CCR3: variants seen among roughly 807,000 people sequenced by gnomAD.
The protein encoded by CCR3 is C-C motif chemokine receptor 3.
For synonymous variants in CCR3, 203 were observed against 179.2 expected (o/e 1.13, Z -1.06); for missense variants, 419 against 437.5 (o/e 0.96, Z 0.38).
chr3:46,217,925 T>A (rs1699793263), intron 2 of CCR3, among the ~76,000 whole-genome samples: 1 of 146,486 alleles, frequency 6.8e-6, no homozygotes, highest in African/African-American at 2.5e-5. Flanking sequence ...CAAGAACAAA[T>A]CAAACCTGAA....
chr3:46,256,697 A>G (rs1161379795), intron 1 of CCR3, among the ~76,000 whole-genome samples: 1 of 152,176 alleles, frequency 6.6e-6, no homozygotes, highest in Non-Finnish European at 1.5e-5. Flanking sequence ...TAAATTGCGT[A>G]AAAAATCACA....
At chr3:46,248,071 G>T (rs1282278500) in intron 1 of CCR3, among the ~76,000 whole-genome samples, 10 of 151,818 alleles carry the variant, frequency 6.6e-5, no homozygotes, top group Middle Eastern at 3.4e-3. Context: ...AATCAAGCAT[G>T]ATCAGGGTGA....
intron 1 of CCR3, chr3:46,264,190 C>T (rs934723475): frequency 3.8e-6 from 2 of 520,738 alleles, no homozygotes; most frequent in African/African-American, 2.0e-5. Flanking sequence ...ATTGACTGAC[C>T]CCTCCTGCTT....
At chr3:46,264,591 T>A in intron 1 of CCR3, 1 of 606,228 alleles carries the variant, frequency 1.6e-6, no homozygotes, top group Non-Finnish European at 2.8e-6. Flanking sequence ...TTTGAACAAA[T>A]TACTAAATTT....
At chr3:46,257,070 C>T (rs13326331) in intron 1 of CCR3, among the ~76,000 whole-genome samples, 24,829 of 152,110 alleles carry the variant, frequency 0.16, 2,381 homozygotes, top group East Asian at 0.4. Context: ...TGTCTTTACA[C>T]AGTTTATAAC....
intron 1 of CCR3, among the ~76,000 whole-genome samples, chr3:46,242,992 T>TATATATACAC (rs1700118454): frequency 1.7e-5 from 2 of 118,382 alleles, no homozygotes; most frequent in African/African-American, 7.7e-5. Context: ...CATATATATA[T>TATATATACAC]ATATATATAT....
intron 2 of CCR3, among the ~76,000 whole-genome samples, chr3:46,227,934 G>C (rs778687987): frequency 1.3e-5 from 2 of 151,756 alleles, no homozygotes; most frequent in Non-Finnish European, 2.9e-5. Flanking sequence ...GGTTTATCTC[G>C]GTGAATGTTC....
At chr3:46,221,605 C>T (rs183797245) in intron 2 of CCR3, among the ~76,000 whole-genome samples, 1 of 152,176 alleles carries the variant, frequency 6.6e-6, no homozygotes, top group South Asian at 2.1e-4. Context: ...GCATCTTGAA[C>T]CCAATTTGCA....
At chr3:46,226,696 A>G (rs1699900869) in intron 2 of CCR3, among the ~76,000 whole-genome samples, 1 of 152,094 alleles carries the variant, frequency 6.6e-6, no homozygotes, top group Non-Finnish European at 1.5e-5. Context: ...AGGAGTGGTG[A>G]GAGTAGACGT....
At chr3:46,222,076 G>C (rs1346348559) in intron 2 of CCR3, among the ~76,000 whole-genome samples, 1 of 152,178 alleles carries the variant, frequency 6.6e-6, no homozygotes, top group Non-Finnish European at 1.5e-5. Context: ...GGCCTCCCAG[G>C]CTGTCCCACT....
intron 1 of CCR3, among the ~76,000 whole-genome samples, chr3:46,254,466 C>A (rs1700376796): frequency 1.4e-5 from 2 of 145,602 alleles, no homozygotes. Flanking sequence ...GTATTTTTCC[C>A]CCCTGGGTTC....
chr3:46,265,011 G>C, intron 1 of CCR3, 137 bp from the exon 2 acceptor site: 2 of 639,660 alleles, frequency 3.1e-6, no homozygotes, highest in Non-Finnish European at 2.7e-6. Context: ...TATGCCTTTT[G>C]AAATTCATGT....
At chr3:46,249,651 G>A (rs1700267276) in intron 1 of CCR3, among the ~76,000 whole-genome samples, 1 of 152,196 alleles carries the variant, frequency 6.6e-6, no homozygotes, top group Non-Finnish European at 1.5e-5. Context: ...GCTGCCAGGT[G>A]AGTTGAACAG....
At chr3:46,217,296 A>G (rs1699786657) in intron 2 of CCR3, among the ~76,000 whole-genome samples, 1 of 152,186 alleles carries the variant, frequency 6.6e-6, no homozygotes, top group South Asian at 2.1e-4. Context: ...CTAACACTGG[A>G]GCTCCCAAAT....
chr3:46,246,457 C>G (rs1012379195), intron 1 of CCR3, among the ~76,000 whole-genome samples: 3 of 151,862 alleles, frequency 2.0e-5, no homozygotes, highest in African/African-American at 7.3e-5. Flanking sequence ...GGTTTGTTCT[C>G]TGGCGGGCAG....
At chr3:46,226,568 T>C (rs190684099) in intron 2 of CCR3, among the ~76,000 whole-genome samples, 94 of 152,334 alleles carry the variant, frequency 6.2e-4, no homozygotes, top group African/African-American at 2.2e-3. Flanking sequence ...GGATTTTCTA[T>C]GTAGACCGCT....
At chr3:46,250,621 T>C (rs971395342) in intron 1 of CCR3, among the ~76,000 whole-genome samples, 2 of 152,076 alleles carry the variant, frequency 1.3e-5, no homozygotes, top group African/African-American at 4.8e-5. Context: ...CAAGTTTGTA[T>C]TGGAGCCAAG....
At chr3:46,243,833 T>A (rs1377292174) in intron 1 of CCR3, among the ~76,000 whole-genome samples, 1 of 151,908 alleles carries the variant, frequency 6.6e-6, no homozygotes, top group Non-Finnish European at 1.5e-5. Flanking sequence ...AAGAGATAAA[T>A]CACAGGAAGG....
chr3:46,226,689 A>G, intron 2 of CCR3, among the ~76,000 whole-genome samples: 1 of 152,058 alleles, frequency 6.6e-6, no homozygotes, highest in East Asian at 1.9e-4. Flanking sequence ...GTTGAATAGG[A>G]GTGGTGAGAG....
Sources: allele counts gnomAD v4.1 joint callset (sites outside exome capture counted in the v4.1 genomes callset), GRCh38; gene constraint gnomAD v4.1.1; transcripts MANE v1.5; gene names NCBI Gene and HGNC (gene_info 2026-07-23, HGNC 2026-07-21).